SYNE1: variants seen among roughly 807,000 people sequenced by gnomAD.
SYNE1 encodes spectrin repeat containing nuclear envelope protein 1.
SYNE1 carries 616 observed loss-of-function variants against 1,111.0 expected under a neutral mutation model. That is an observed-to-expected ratio of 0.55 (90% CI 0.52 to 0.59). The LOEUF (loss-of-function observed/expected upper bound fraction) is 0.59. Ranked by LOEUF, SYNE1 falls within the 20% of genes least tolerant of loss-of-function variation. The probability of loss-of-function intolerance (pLI) is 0.00; values close to 1 mark genes in which losing one functional copy is unlikely to be tolerated. For synonymous variants in SYNE1, 3,855 were observed against 3,825.8 expected, an observed-to-expected ratio of 1.01 and a Z score of -0.28; for missense variants, 10,006 against 10,417.0, an observed-to-expected ratio of 0.96 and a Z score of 1.72.
At position 152,416,968 on chromosome 6, in the gene SYNE1, C is replaced by A; in HGVS notation, c.5469G>T (p.Leu1823=). Residue 1823 remains leucine (L), a synonymous_variant, in exon 41 of 146, where the codon CTG becomes CTT. Transcript: ENST00000367255. ...VESKKGELQS[L]QGHLAKLGSL... is the part of the protein sequence containing the mutation. ...AACCCAACTTTGCTAAGTGACCCTGCAGACTCTGCAATTCGCCCTTTTTGC... is the reference window on the plus strand; with the variant it reads ...AACCCAACTTTGCTAAGTGACCCTGAAGACTCTGCAATTCGCCCTTTTTGC... 1.9e-6 allele frequency: 3 copies of A among 1,614,184 alleles called. No homozygotes were observed. In the South Asian group the frequency reaches 3.3e-5, roughly 18 times the overall value.
chr6:152,417,509 C>A (rs1475194594), intron 40 of SYNE1, among the ~76,000 whole-genome samples: 1 of 149,058 alleles, frequency 6.7e-6, no homozygotes, highest in Non-Finnish European at 1.5e-5. Flanking sequence ...AACAAACAAA[C>A]AAACAAACAA....
At chr6:152,222,044 C>T (rs2080299435) in intron 117 of SYNE1, among the ~76,000 whole-genome samples, 1 of 152,130 alleles carries the variant, frequency 6.6e-6, no homozygotes, top group Non-Finnish European at 1.5e-5. Context: ...CACTCCTACC[C>T]CTCCCTCCCT....
At chr6:152,606,643 T>TTTTG (rs560731620) in intron 3 of SYNE1, among the ~76,000 whole-genome samples, 2 of 137,368 alleles carry the variant, frequency 1.5e-5, no homozygotes, top group African/African-American at 5.7e-5. Flanking sequence ...TTCTGAGTTT[T>TTTTG]TTTGTTTGTT....
intron 18 of SYNE1, chr6:152,464,696 C>T (rs931226055): frequency 4.4e-5 from 7 of 158,032 alleles, no homozygotes; most frequent in Non-Finnish European, 9.8e-5. Flanking sequence ...CAGTCCATTT[C>T]ATGTGACATT....
intron 34 of SYNE1, among the ~76,000 whole-genome samples, chr6:152,430,939 A>G (rs1171438242): frequency 1.3e-5 from 2 of 152,144 alleles, no homozygotes; most frequent in African/African-American, 4.8e-5. Flanking sequence ...GAGCATACGG[A>G]GAAATAGCTA....
chr6:152,637,029 C>A (rs929659227), intron 1 of SYNE1, 160 bp downstream of exon 1: 1 of 152,332 alleles, frequency 6.6e-6, no homozygotes, highest in African/African-American at 2.4e-5. Flanking sequence ...GAAGGAAGGT[C>A]GCCCAGGCCG....
Position 152,283,442 on chromosome 6 carries a change from C to T in SYNE1, c.18207+536G>A, listed in dbSNP as rs117423019. On this transcript the variant is annotated intron_variant, in intron 96 of 145. Transcript: ENST00000367255. ...TGCTTTCCACATTCTCAATATTTCA[C>T]GCCTGAAATGAGTCAGAAAGGAGTC... Among the ~76,000 whole-genome samples the T allele has an allele frequency of 5.2e-4, 79 of 152,328 alleles. 2 individuals are homozygous for T. In the East Asian group the frequency reaches 0.014, roughly 27 times the overall value.
intron 46 of SYNE1, among the ~76,000 whole-genome samples, chr6:152,403,374 G>C (rs1453476067): frequency 6.6e-6 from 1 of 152,164 alleles, no homozygotes; most frequent in Non-Finnish European, 1.5e-5. Context: ...TCTAAACCCA[G>C]TTATTCAGTA....
At chr6:152,607,920 A>G (rs933732585) in intron 3 of SYNE1, among the ~76,000 whole-genome samples, 6 of 152,192 alleles carry the variant, frequency 3.9e-5, no homozygotes, top group African/African-American at 1.4e-4. Context: ...ATCCTCAGCA[A>G]ACTAACACAG....
chr6:152,509,240 TTC>T lies in SYNE1; in HGVS notation c.581+951_581+952del, dbSNP rs1482698803. 3.8e-5 allele frequency among the ~76,000 whole-genome samples: 5 copies of T among 130,330 alleles called. No individual in the cohort carries two copies. In the East Asian group the frequency reaches 1.2e-3, roughly 31 times the overall value. 85.5% of individuals were successfully genotyped at this position (130,330 alleles called of 152,430 possible). A position where few individuals can be genotyped will look rare whatever the true frequency, so the allele number is the denominator to read the frequency against. On this transcript the variant is annotated intron_variant, in intron 8 of 145. Coordinates refer to ENST00000367255, the MANE Select transcript of SYNE1 (RefSeq NM_182961.4). ...TTTTTGAGAGCACTCTTTTTCTTTT[TTC>T]TTTTTCTTTTTTTTTTTTTTTTTTT...
intron 107 of SYNE1, among the ~76,000 whole-genome samples, chr6:152,241,289 G>A (rs191917651): frequency 3.9e-5 from 6 of 152,060 alleles, no homozygotes; most frequent in East Asian, 1.9e-4. Context: ...GGACAAAAAC[G>A]TCTGGGAAAA....
At chr6:152,166,841 G>T (rs1447528913) in intron 130 of SYNE1, among the ~76,000 whole-genome samples, 1 of 152,184 alleles carries the variant, frequency 6.6e-6, no homozygotes, top group African/African-American at 2.4e-5. Context: ...TAGGGCATGG[G>T]TAGTAGGATT....
intron 52 of SYNE1, among the ~76,000 whole-genome samples, 175 bp from the exon 53 acceptor site, chr6:152,390,627 G>A (rs2097597590): frequency 6.6e-6 from 1 of 152,192 alleles, no homozygotes; most frequent in Admixed American, 6.5e-5. Flanking sequence ...AGGTATCTGG[G>A]AGTCTAGGAG....
At chr6:152,480,904 T>C (rs1176570491) in intron 14 of SYNE1, 2 of 421,358 alleles carry the variant, frequency 4.7e-6, no homozygotes, top group African/African-American at 2.1e-5. Context: ...CTTTGTTCAC[T>C]AGACTTTGGC....
intron 3 of SYNE1, among the ~76,000 whole-genome samples, chr6:152,553,196 C>A (rs1002887341): frequency 6.6e-6 from 1 of 152,146 alleles, no homozygotes; most frequent in Non-Finnish European, 1.5e-5. Flanking sequence ...TGAGGTGACA[C>A]AAGACACTAA....
chr6:152,406,914 G>A, intron 45 of SYNE1, 100 bp downstream of exon 45: 2 of 882,512 alleles, frequency 2.3e-6, no homozygotes, highest in Non-Finnish European at 3.1e-6. Flanking sequence ...AAAAATAAAA[G>A]TTAAAAGAAG....
At position 152,143,657 on chromosome 6, in the gene SYNE1, G is replaced by A. The variant is rs147814237; in HGVS notation, c.25085C>T (p.Thr8362Met). The A allele has an allele frequency of 4.5e-5, 72 of 1,614,072 alleles. No homozygotes were observed. The highest frequency in any genetic ancestry group is 1.6e-4 in the Middle Eastern group (1 of 6,084). Residue 8362 changes from threonine to methionine, a missense_variant, in exon 138 of 146, where the codon ACG (threonine) becomes ATG (methionine). Thr to Met is a moderately conservative substitution (Grantham distance 81, BLOSUM62 -1). Transcript: ENST00000367255. ...GTAGCTGGTGTCTAGCTCCGGCCCC[G>A]TGGGAGTTTTGCTGCGAATGATATT... ...TENIIRSKTP[T>M]GPELDTSYKG...
At chr6:152,218,928 A>G in intron 120 of SYNE1, 75 bp downstream of exon 120, 1 of 1,470,830 alleles carries the variant, frequency 6.8e-7, no homozygotes, top group Middle Eastern at 2.0e-4. Context: ...ATGACAAGGA[A>G]TTCTTTTTCT....
chr6:152,233,615 G>A (rs992444474), intron 112 of SYNE1, among the ~76,000 whole-genome samples, 166 bp downstream of exon 112: 4 of 152,140 alleles, frequency 2.6e-5, no homozygotes, highest in East Asian at 1.9e-4. Flanking sequence ...GCGAGCCACC[G>A]CGCCCGGCCA....
Sources: gnomAD v4.1 joint callset for allele counts (sites outside exome capture counted in the v4.1 genomes callset) on GRCh38, gnomAD v4.1.1 for gene constraint, MANE v1.5 for transcripts, NCBI Gene and HGNC (gene_info 2026-07-23, HGNC 2026-07-21) for gene names.